Variants in TENM3 observed in about 807,000 individuals in gnomAD.
TENM3 encodes teneurin transmembrane protein 3.
In TENM3, 63 loss-of-function variants were observed where a neutral mutation model predicts 255.1. The observed-to-expected ratio is 0.25, with a 90% CI of 0.20 to 0.30. The LOEUF (loss-of-function observed/expected upper bound fraction) is 0.30, where lower values mean the gene tolerates loss of function less well. TENM3 is among the 10% of genes least tolerant of loss of function. The pLI is 1.00. For missense variants in TENM3, 2,929 were observed against 3,461.1 expected, an observed-to-expected ratio of 0.85 and a Z score of 3.86; for synonymous variants, 1,306 against 1,322.3, an observed-to-expected ratio of 0.99 and a Z score of 0.27.
intron 1 of TENM3, among the ~76,000 whole-genome samples, chr4:182,209,014 G>T (rs1215947221): frequency 6.6e-6 from 1 of 150,616 alleles, no homozygotes; most frequent in South Asian, 2.1e-4. Context: ...TGTCGCCCAG[G>T]CTGGAGTGCG....
the TENM3 span, among the ~76,000 whole-genome samples, chr4:181,877,813 A>G: frequency 4.6e-5 from 7 of 152,174 alleles, no homozygotes; most frequent in African/African-American, 1.2e-4. Context: ...ATACATAACC[A>G]GTGGCCAAGA....
chr4:182,160,153 C>A lies in TENM3; in HGVS notation c.-76+15399C>A, dbSNP rs7680980. 2.7e-5 allele frequency among the ~76,000 whole-genome samples: 4 copies of A among 149,234 alleles called. No individual in the cohort carries two copies. In the South Asian group the frequency reaches 6.5e-4, roughly 24 times the overall value. On this transcript the variant is annotated intron_variant, in intron 1 of 2. Coordinates refer to the TENM3 transcript ENST00000512480. ...GAGTAGCTGGGACTACAGGCGCCCG[C>A]CACCACGCCTGGCTAATTTTATGTA... is the stretch of plus-strand genomic sequence containing the variant.
chr4:181,734,417 T>C, the TENM3 span, among the ~76,000 whole-genome samples: 1 of 152,174 alleles, frequency 6.6e-6, no homozygotes, highest in South Asian at 2.1e-4. Flanking sequence ...TCAAGCCTCA[T>C]TTTCACCCCC....
At chr4:182,244,115 G>A (rs1018625563) in intron 1 of TENM3, among the ~76,000 whole-genome samples, 9 of 151,262 alleles carry the variant, frequency 5.9e-5, no homozygotes, top group East Asian at 5.8e-4. Flanking sequence ...CACCACGCCC[G>A]GCTAATTTTT....
At chr4:181,989,322 T>A in the TENM3 span, among the ~76,000 whole-genome samples, 2 of 152,008 alleles carry the variant, frequency 1.3e-5, no homozygotes, top group Admixed American at 6.6e-5. Flanking sequence ...GATGGTGTTG[T>A]CATGGAAGCT....
intron 4 of TENM3, among the ~76,000 whole-genome samples, chr4:182,610,495 G>A (rs1328298290): frequency 6.6e-6 from 1 of 152,132 alleles, no homozygotes; most frequent in Non-Finnish European, 1.5e-5. Context: ...ACCCTGGGCA[G>A]CATGGTGAGA....
At chr4:182,699,481 C>G (rs1408385921) in intron 12 of TENM3, among the ~76,000 whole-genome samples, 1 of 152,118 alleles carries the variant, frequency 6.6e-6, no homozygotes, top group Non-Finnish European at 1.5e-5. Context: ...TGTAGTGGCT[C>G]TGTGTCTTAG....
chr4:182,660,668 T>C (rs1246994786), intron 6 of TENM3, among the ~76,000 whole-genome samples: 1 of 152,260 alleles, frequency 6.6e-6, no homozygotes, highest in African/African-American at 2.4e-5. Context: ...ATTCGTTATT[T>C]ATATTTTTAG....
At chr4:181,892,081 C>T in the TENM3 span, among the ~76,000 whole-genome samples, 1 of 152,138 alleles carries the variant, frequency 6.6e-6, no homozygotes, top group Non-Finnish European at 1.5e-5. Flanking sequence ...TTGGACTTCC[C>T]AGTCTCCAAA....
At chr4:182,728,493 A>G (rs1318193539) in intron 13 of TENM3, among the ~76,000 whole-genome samples, 1 of 152,210 alleles carries the variant, frequency 6.6e-6, no homozygotes, top group Admixed American at 6.5e-5. Flanking sequence ...CTATGAAGGC[A>G]GATGCAAGTA....
the TENM3 span, among the ~76,000 whole-genome samples, chr4:181,968,102 A>G: frequency 1.3e-5 from 2 of 152,184 alleles, no homozygotes; most frequent in South Asian, 4.1e-4. Context: ...CCAGAAGCCC[A>G]GATTGGGTCC....
chr4:181,703,911 C>T, the TENM3 span, among the ~76,000 whole-genome samples: 2 of 151,942 alleles, frequency 1.3e-5, no homozygotes, highest in Non-Finnish European at 2.9e-5. Context: ...GTTCAGTGTC[C>T]GCTTGCATAA....
At chr4:182,764,808 G>A (rs1763539641) in intron 22 of TENM3, among the ~76,000 whole-genome samples, 1 of 152,170 alleles carries the variant, frequency 6.6e-6, no homozygotes, top group South Asian at 2.1e-4. Flanking sequence ...GGGTAGGCGG[G>A]ACTCTGTTCA....
At chr4:182,069,437 G>A in the TENM3 span, among the ~76,000 whole-genome samples, 6 of 152,204 alleles carry the variant, frequency 3.9e-5, no homozygotes, top group East Asian at 1.2e-3. Flanking sequence ...GACTTGATCA[G>A]AACCAAATTT....
chr4:181,777,943 G>A, the TENM3 span, among the ~76,000 whole-genome samples: 2 of 152,026 alleles, frequency 1.3e-5, no homozygotes, highest in Non-Finnish European at 2.9e-5. Flanking sequence ...TTTGAGACAG[G>A]AGACTTAGCT....
the TENM3 span, among the ~76,000 whole-genome samples, chr4:181,889,775 C>G: frequency 6.6e-6 from 1 of 152,236 alleles, no homozygotes; most frequent in South Asian, 2.1e-4. Context: ...ACATCCTCTA[C>G]TGCTGACGGA....
chr4:181,567,712 C>CT, the TENM3 span, among the ~76,000 whole-genome samples: 2 of 152,070 alleles, frequency 1.3e-5, no homozygotes, highest in African/African-American at 2.4e-5. Context: ...ATAACAAGTT[C>CT]TTTTTTACTC....
the TENM3 span, among the ~76,000 whole-genome samples, chr4:181,521,559 G>A: frequency 6.6e-6 from 1 of 152,148 alleles, no homozygotes; most frequent in Non-Finnish European, 1.5e-5. Context: ...GTCTTGACAT[G>A]CGTAATCGTA....
At chr4:181,595,679 G>A in the TENM3 span, among the ~76,000 whole-genome samples, 1 of 151,850 alleles carries the variant, frequency 6.6e-6, no homozygotes, top group South Asian at 2.1e-4. Flanking sequence ...ACAAGATCTG[G>A]GTCCTGACTT....
Sources: allele counts gnomAD v4.1 joint callset (sites outside exome capture counted in the v4.1 genomes callset), GRCh38; gene constraint gnomAD v4.1.1; transcripts MANE v1.5; gene names NCBI Gene and HGNC (gene_info 2026-07-23, HGNC 2026-07-21).